AK9: variants seen among roughly 807,000 people sequenced by gnomAD.
AK9 encodes the protein adenylate kinase 9.
AK9 carries 191 observed loss-of-function variants against 239.6 expected under a neutral mutation model. The ratio of observed to expected loss-of-function variants is 0.80; its 90% confidence interval spans 0.71 to 0.90. AK9 has a LOEUF of 0.90. Among genes scored for constraint, AK9 ranks in the 40% least tolerant of loss-of-function variants. The probability of loss-of-function intolerance (pLI) is 0.00; values close to 1 mark genes in which losing one functional copy is unlikely to be tolerated. For synonymous variants in AK9, 689 were observed against 721.0 expected (o/e 0.96, Z 0.71); for missense variants, 1,995 against 2,214.7 (o/e 0.90, Z 1.99).
chr6:109,591,735 G>A (rs1359744998), intron 17 of AK9, among the ~76,000 whole-genome samples: 1 of 152,048 alleles, frequency 6.6e-6, no homozygotes, highest in Non-Finnish European at 1.5e-5. Flanking sequence ...GTACAGTCTA[G>A]TGGTGATGAA....
At chr6:109,619,525 CAT>C (rs1046275327) in intron 12 of AK9, among the ~76,000 whole-genome samples, 3 of 151,850 alleles carry the variant, frequency 2.0e-5, no homozygotes, top group East Asian at 1.9e-4. Context: ...GAAGTTAAAA[CAT>C]ATATATATTT....
chr6:109,595,055 C>A (rs1443762987), intron 17 of AK9, among the ~76,000 whole-genome samples: 1 of 152,196 alleles, frequency 6.6e-6, no homozygotes, highest in East Asian at 1.9e-4. Context: ...AAGAAACCAT[C>A]ATCAGAGTTA....
At position 109,497,486 on chromosome 6, in the gene AK9, T is replaced by A; in HGVS notation, c.5294A>T (p.Glu1765Val). Residue 1765 changes from glutamate (E) to valine (V), a missense_variant, in exon 38 of 41, where the codon GAA becomes GTA. By Grantham distance (121) the Glu-to-Val change is moderately radical. This residue lies in a region of AK9 where 391 missense variants were observed against 456.0 expected (regional missense o/e 0.86). Transcript: ENST00000424296. Reference sequence around the variant, plus strand: ...TCACCTCAAAAATTTCTGGAGTTTTTCTTTGTTCTCACAAATATATATACG... The same window carrying A: ...TCACCTCAAAAATTTCTGGAGTTTTACTTTGTTCTCACAAATATATATACG... ...HNRIYICENK[E>V]KLQKFLRSPL... The A allele has an allele frequency of 1.2e-6, 2 of 1,600,330 alleles. No homozygotes were observed. The highest frequency in any genetic ancestry group is 2.2e-5 in the South Asian group (2 of 90,670).
At chr6:109,619,914 A>G (rs1030602817) in intron 12 of AK9, among the ~76,000 whole-genome samples, 3 of 152,188 alleles carry the variant, frequency 2.0e-5, no homozygotes, top group African/African-American at 7.2e-5. Flanking sequence ...TATAAATGAA[A>G]GCATACAGTA....
At chr6:109,681,141 C>T (rs904930533) in intron 1 of AK9, among the ~76,000 whole-genome samples, 1 of 152,164 alleles carries the variant, frequency 6.6e-6, no homozygotes, top group Non-Finnish European at 1.5e-5. Flanking sequence ...GATTAAAAGA[C>T]ACAGACTGGC....
At chr6:109,687,868 A>C (rs1328714143) in intron 1 of AK9, among the ~76,000 whole-genome samples, 2 of 152,196 alleles carry the variant, frequency 1.3e-5, no homozygotes, top group Non-Finnish European at 2.9e-5. Flanking sequence ...GTGGATGTAA[A>C]ATACATAGAT....
intron 17 of AK9, among the ~76,000 whole-genome samples, chr6:109,600,225 A>C (rs1791720094): frequency 6.6e-6 from 1 of 152,132 alleles, no homozygotes; most frequent in Non-Finnish European, 1.5e-5. Flanking sequence ...TGTCATAAAT[A>C]GCTCTTATTA....
chr6:109,616,039 C>G (rs1227481810), intron 13 of AK9, among the ~76,000 whole-genome samples: 1 of 151,788 alleles, frequency 6.6e-6, no homozygotes, highest in African/African-American at 2.4e-5. Flanking sequence ...AGTTAGAGAC[C>G]AGCCTGGACA....
chr6:109,526,229 G>A (rs1050701956), intron 29 of AK9, among the ~76,000 whole-genome samples: 11 of 151,564 alleles, frequency 7.3e-5, no homozygotes, highest in Non-Finnish European at 1.3e-4. Flanking sequence ...ACCAAACCCC[G>A]GCAACATGCA....
At chr6:109,608,370 T>C (rs1421306457) in intron 17 of AK9, among the ~76,000 whole-genome samples, 1 of 150,974 alleles carries the variant, frequency 6.6e-6, no homozygotes, top group East Asian at 2.0e-4. Context: ...GAAGAGTCTA[T>C]AAAGGGACTA....
chr6:109,548,713 T>C (rs1783925677), intron 25 of AK9, among the ~76,000 whole-genome samples: 1 of 152,222 alleles, frequency 6.6e-6, no homozygotes, highest in Admixed American at 6.5e-5. Context: ...GTTTCTACTC[T>C]ATGATTGCCA....
chr6:109,576,833 CTT>C (rs552286836), intron 20 of AK9, among the ~76,000 whole-genome samples: 19 of 134,954 alleles, frequency 1.4e-4, no homozygotes, highest in Admixed American at 1.5e-4. Context: ...TCATAGATTT[CTT>C]TTTTTTTTTT....
intron 30 of AK9, 44 bp downstream of exon 30, chr6:109,516,386 A>G: frequency 1.3e-6 from 2 of 1,497,512 alleles, no homozygotes; most frequent in Non-Finnish European, 1.8e-6. Context: ...TCTGATTCTC[A>G]AATATTACTT....
In AK9 at chr6:109,546,112, T is replaced by C. The variant is rs1783525849; in HGVS notation, c.2980A>G (p.Ile994Val). The change falls in exon 26 of 41, where the codon ATA (isoleucine) becomes GTA (valine). Residue 994 changes from isoleucine to valine, a missense_variant. Around this residue, in one of 5 missense-constraint regions of AK9, gnomAD observed 1,290 missense variants for 1,392.7 expected, o/e 0.93. Coordinates refer to ENST00000424296, the MANE Select transcript of AK9 (RefSeq NM_001145128.3). ...EEPLKAPPLR[I>V]CLVGPQGSGK... ...GAGCCCTGGGGGCCGACAAGGCATATTCTTAATGGAGGAGCCTGTCACAGG... is the reference window on the plus strand; with the variant it reads ...GAGCCCTGGGGGCCGACAAGGCATACTCTTAATGGAGGAGCCTGTCACAGG... 6.2e-7 allele frequency: 1 copy of C among 1,601,406 alleles called. No individual in the cohort carries two copies.
At chr6:109,635,576 C>T (rs190678666) in intron 10 of AK9, among the ~76,000 whole-genome samples, 1 of 152,264 alleles carries the variant, frequency 6.6e-6, no homozygotes, top group African/African-American at 2.4e-5. Flanking sequence ...CCAGACACAG[C>T]CAAGGTAGCG....
intron 33 of AK9, 28 bp downstream of exon 33, chr6:109,509,151 G>C (rs1175024935): frequency 2.6e-6 from 4 of 1,544,248 alleles, no homozygotes; most frequent in Non-Finnish European, 3.5e-6. Flanking sequence ...AACTCCCTCT[G>C]TCCCATCCTC....
chr6:109,625,515 G>C (rs1045886118), intron 12 of AK9, among the ~76,000 whole-genome samples: 1 of 152,244 alleles, frequency 6.6e-6, no homozygotes, highest in East Asian at 1.9e-4. Flanking sequence ...GTTACTGCCT[G>C]AGCTCTGCTT....
intron 17 of AK9, among the ~76,000 whole-genome samples, chr6:109,596,248 C>T (rs1791016459): frequency 6.6e-6 from 1 of 152,112 alleles, no homozygotes; most frequent in South Asian, 2.1e-4. Context: ...GAGAAGAGAC[C>T]AAGCTGAGTG....
chr6:109,594,691 C>T (rs981658110), intron 17 of AK9, among the ~76,000 whole-genome samples: 1 of 152,092 alleles, frequency 6.6e-6, no homozygotes, highest in African/African-American at 2.4e-5. Context: ...AAACAGAGGC[C>T]TCAGAAATAA....
Sources: gnomAD v4.1 joint callset for allele counts (sites outside exome capture counted in the v4.1 genomes callset) on GRCh38, gnomAD v4.1.1 for gene constraint, gnomAD v4.1.1 regional missense constraint, MANE v1.5 for transcripts, NCBI Gene and HGNC (gene_info 2026-07-23, HGNC 2026-07-21) for gene names.